Variants in IGDCC4 observed in about 807,000 individuals in gnomAD.
IGDCC4 encodes the protein immunoglobulin superfamily DCC subclass member 4.
In IGDCC4, 72 loss-of-function variants were observed where a neutral mutation model predicts 116.6. That is an observed-to-expected ratio of 0.62 (90% CI 0.51 to 0.75). The LOEUF (loss-of-function observed/expected upper bound fraction) is 0.75. Ranked by LOEUF, IGDCC4 falls within the 30% of genes least tolerant of loss-of-function variation. The pLI is 0.00. For missense variants in IGDCC4, 1,501 were observed against 1,662.4 expected (o/e 0.90, Z 1.69); for synonymous variants, 709 against 719.9 (o/e 0.98, Z 0.24).
intron 3 of IGDCC4, among the ~76,000 whole-genome samples, chr15:65,402,895 C>T (rs934577801): frequency 6.6e-6 from 1 of 152,112 alleles, no homozygotes; most frequent in Non-Finnish European, 1.5e-5. Context: ...CTCTAAGACA[C>T]CATTTTCACC....
At chr15:65,389,980 G>A (rs189822831) in intron 13 of IGDCC4, among the ~76,000 whole-genome samples, 175 bp downstream of exon 13, 2 of 152,316 alleles carry the variant, frequency 1.3e-5, no homozygotes, top group Admixed American at 1.3e-4. Context: ...CTGGTCAGCA[G>A]GCAAGGACGT....
Position 65,411,284 on chromosome 15 carries a change from C to T in IGDCC4, c.157G>A (p.Ala53Thr), listed in dbSNP as rs769683369. Residue 53 changes from alanine to threonine, a missense_variant, in exon 2 of 20, where the codon GCA (alanine) becomes ACA (threonine). Transcript: ENST00000352385. ...GCCCCCAGGCTACAGTTTAGCACTG[C>T]AGCCTGCTCTGGGCCCAGGATCACT... ...LQVILGPEQA[A>T]VLNCSLGAAA... The T allele has an allele frequency of 6.2e-7, 1 of 1,613,476 alleles. No individual in the cohort carries two copies. Among genetic ancestry groups the T allele is most frequent in the South Asian group, 1.1e-5 (1 of 91,020 alleles).
intron 1 of IGDCC4, among the ~76,000 whole-genome samples, chr15:65,412,510 T>TAAAAA: frequency 8.9e-5 from 1 of 11,200 alleles, no homozygotes; most frequent in Non-Finnish European, 1.2e-4. Flanking sequence ...AGATTCCATC[T>TAAAAA]CAAAAAAAAA....
chr15:65,391,072 A>C (rs1342925483), intron 12 of IGDCC4, among the ~76,000 whole-genome samples: 3 of 152,100 alleles, frequency 2.0e-5, no homozygotes, highest in Non-Finnish European at 2.9e-5. Context: ...GTCTCTACTA[A>C]AAATACAAAA....
rs147577742 is a variant in IGDCC4, at chr15:65,391,899, C to A, written c.2205G>T (p.Thr735=). The change falls in exon 12 of 20, where the codon ACG becomes ACT. Residue 735 remains threonine, a synonymous_variant. Coordinates refer to ENST00000352385, the MANE Select transcript of IGDCC4 (RefSeq NM_020962.3). The stretch of plus-strand genomic sequence containing the variant: ...CCTCACCTGGTGCCGGCGCCTTCTC[C>A]GTCTTGCCCTTCCACACTGCTGCAT... ...DGYAAVWKGK[T]EKAPAPDMPI... 3.0e-5 allele frequency: 49 copies of A among 1,613,898 alleles called. No individual in the cohort carries two copies. The African/African-American group carries it at 6.4e-4, about 21-fold the overall frequency.
intron 1 of IGDCC4, 74 bp downstream of exon 1, chr15:65,422,719 G>T: frequency 1.7e-6 from 2 of 1,174,050 alleles, no homozygotes; most frequent in Non-Finnish European, 1.1e-6. Context: ...CAGCCCCGCA[G>T]CCCGATGCAG....
chr15:65,392,765 G>T (rs1433194644), intron 10 of IGDCC4, among the ~76,000 whole-genome samples: 1 of 152,112 alleles, frequency 6.6e-6, no homozygotes, highest in Non-Finnish European at 1.5e-5. Context: ...AGGAAGGAGG[G>T]ATGCCACCAT....
intron 4 of IGDCC4, 130 bp downstream of exon 4, chr15:65,402,221 T>C (rs1379188957): frequency 1.8e-6 from 2 of 1,113,742 alleles, no homozygotes; most frequent in Non-Finnish European, 1.2e-6. Flanking sequence ...CTTCATCGCC[T>C]CACCAGTCAA....
At chr15:65,387,644 C>T (rs188187907) in intron 16 of IGDCC4, among the ~76,000 whole-genome samples, 15 of 152,008 alleles carry the variant, frequency 9.9e-5, no homozygotes, top group Non-Finnish European at 1.9e-4. Context: ...TAAGCCACCG[C>T]GCCTGGCCGT....
intron 1 of IGDCC4, among the ~76,000 whole-genome samples, chr15:65,416,135 A>ATT (rs2063140570): frequency 2.0e-5 from 2 of 99,268 alleles, no homozygotes; most frequent in African/African-American, 9.5e-5. Flanking sequence ...AAATGTTTTG[A>ATT]CTTTTTTTTT....
intron 1 of IGDCC4, among the ~76,000 whole-genome samples, chr15:65,412,467 G>A (rs1241323363): frequency 4.3e-5 from 5 of 117,206 alleles, no homozygotes; most frequent in African/African-American, 1.4e-4. Context: ...AGCCGAGATC[G>A]CCCCATTGCA....
Position 65,402,607 on chromosome 15 carries a change from G to T in IGDCC4, c.564-120C>A, listed in dbSNP as rs531706403. 163 of 1,306,900 alleles carry T rather than the reference G, an allele frequency of 1.2e-4. No individual in the cohort carries two copies. In the South Asian group the frequency reaches 1.9e-3, roughly 15 times the overall value. The allele number at this position is 1,306,900 out of a possible 1,614,324, so 81.0% of individuals were successfully genotyped here. A position where few individuals can be genotyped will look rare whatever the true frequency, so the allele number is the denominator to read the frequency against. On this transcript the variant is annotated intron_variant, in intron 3 of 19. Transcript: ENST00000352385. ...TACCAGGCTGGGCGCAGTGGCTCAC[G>T]CCTATAATCCCAGCACTTTGGGAGG...
At chr15:65,398,200 T>C (rs1434161846) in intron 5 of IGDCC4, among the ~76,000 whole-genome samples, 1 of 152,192 alleles carries the variant, frequency 6.6e-6, no homozygotes, top group Non-Finnish European at 1.5e-5. Flanking sequence ...TCTATTTTTT[T>C]CCTAGTTTTC....
rs369277991 is a variant in IGDCC4 at position 65,394,503 on chromosome 15, G to A, written c.1622C>T (p.Ser541Leu). ...GGGCAGCCACGCCACCCTGATGTCC[G>A]AAGGGTTGGGGCTGGACAGGGAGAG... ...PQLSLSSPNP[S>L]DIRVAWLPLP... Residue 541 changes from serine to leucine, a missense_variant, in exon 9 of 20, where the codon TCG (serine) becomes TTG (leucine). Physicochemically the swap from Ser to Leu is moderately radical, Grantham distance 145. Transcript: ENST00000352385. 11 of 1,612,810 alleles carry A rather than the reference G, an allele frequency of 6.8e-6. No individual in the cohort carries two copies. The highest frequency in any genetic ancestry group is 3.3e-5 in the South Asian group (3 of 90,934).
At chr15:65,401,592 G>A (rs144090770) in intron 4 of IGDCC4, among the ~76,000 whole-genome samples, 289 of 144,920 alleles carry the variant, frequency 2.0e-3, no homozygotes, top group Non-Finnish European at 2.9e-3. Context: ...ATGGGGACGG[G>A]GTGGGAGTGC....
chr15:65,402,811 G>A (rs1452958367), intron 3 of IGDCC4, among the ~76,000 whole-genome samples: 1 of 152,156 alleles, frequency 6.6e-6, no homozygotes. Flanking sequence ...AGGTTGCGGT[G>A]AGCCAAGATT....
rs2063206683 is a variant in IGDCC4 at position 65,422,841 on chromosome 15, G to A, written c.22C>T (p.Arg8Cys). The A allele has an allele frequency of 3.3e-6, 4 of 1,207,682 alleles. No homozygotes were observed. Among genetic ancestry groups the A allele is most frequent in the South Asian group, 6.2e-5 (2 of 32,174 alleles). 74.8% of individuals were successfully genotyped at this position (1,207,682 alleles called of 1,614,324 possible). ...GTCAACGCGAGGAGCCCGCGGCCGC[G>A]GCCGGCGTCCCCCCGCGCCATGGGG... The part of the protein sequence containing the change: MARGDAG[R>C]GRGLLALTFC... The change falls in exon 1 of 20, where the codon CGC becomes TGC. Residue 8 changes from arginine (R) to cysteine (C), a missense_variant. Coordinates refer to ENST00000352385, the MANE Select transcript of IGDCC4 (RefSeq NM_020962.3).
intron 9 of IGDCC4, among the ~76,000 whole-genome samples, chr15:65,394,202 C>A (rs2062895780): frequency 6.6e-6 from 1 of 151,988 alleles, no homozygotes. Flanking sequence ...GGGGTGAGAG[C>A]CCAGGCCTCC....
rs746593986 is a variant in IGDCC4 at position 65,395,796 on chromosome 15, G to GTGCATC, written c.1359_1364dup (p.Met454_His455insGlnMet). The GTGCATC allele has an allele frequency of 2.0e-6, 3 of 1,485,298 alleles. No homozygotes were observed. The highest frequency in any genetic ancestry group is 2.7e-6 in the Non-Finnish European group (3 of 1,111,962). 92.0% of individuals were successfully genotyped at this position (1,485,298 alleles called of 1,614,324 possible). A position where few individuals can be genotyped will look rare whatever the true frequency, so the allele number is the denominator to read the frequency against. ...GAGAGAAGCCGATGATCTGCTCGCT[G>GTGCATC]TGCATCTCGGGCCGCTCCCAGGCCA... On this transcript the variant is annotated inframe_insertion, in exon 7 of 20. Transcript: ENST00000352385.
Sources: gnomAD v4.1 joint callset for allele counts (sites outside exome capture counted in the v4.1 genomes callset) on GRCh38, gnomAD v4.1.1 for gene constraint, MANE v1.5 for transcripts, NCBI Gene and HGNC (gene_info 2026-07-23, HGNC 2026-07-21) for gene names.